CADM1: variants seen among roughly 807,000 people sequenced by gnomAD.
CADM1 encodes TSLC-1.
A neutral mutation model predicts 53.1 loss-of-function variants in CADM1; 15 were observed. That is an observed-to-expected ratio of 0.28 (90% CI 0.19 to 0.44). The LOEUF is 0.44. Among genes scored for constraint, CADM1 ranks in the 20% least tolerant of loss-of-function variants. CADM1 has a pLI of 1.00. For synonymous variants in CADM1, 281 were observed against 243.0 expected (o/e 1.16, Z -1.45); for missense variants, 434 against 611.3 (o/e 0.71, Z 3.06).
chr11:115,264,030 G>A (rs867098003), intron 1 of CADM1, among the ~76,000 whole-genome samples: 2 of 152,142 alleles, frequency 1.3e-5, no homozygotes, highest in African/African-American at 2.4e-5. Flanking sequence ...AGATGAGATC[G>A]AGAGTCAAAT....
At chr11:115,372,879 G>C (rs551590189) in intron 1 of CADM1, among the ~76,000 whole-genome samples, 3 of 152,154 alleles carry the variant, frequency 2.0e-5, no homozygotes, top group Non-Finnish European at 4.4e-5. Context: ...ACCTAAACCA[G>C]GCCTGGATCT....
At chr11:115,220,253 T>A (rs1035596735) in intron 5 of CADM1, among the ~76,000 whole-genome samples, 5 of 152,122 alleles carry the variant, frequency 3.3e-5, no homozygotes, top group African/African-American at 1.2e-4. Context: ...TCAACTTCCA[T>A]CAATAATAAA....
intron 1 of CADM1, among the ~76,000 whole-genome samples, chr11:115,500,580 C>T (rs1029881891): frequency 3.3e-5 from 5 of 152,208 alleles, no homozygotes; most frequent in African/African-American, 1.2e-4. Flanking sequence ...CTGGTTTTCA[C>T]AGCATTTCTT....
chr11:115,466,526 A>G (rs982160973), intron 1 of CADM1, among the ~76,000 whole-genome samples: 3 of 152,232 alleles, frequency 2.0e-5, no homozygotes, highest in African/African-American at 7.2e-5. Context: ...TTTTCAGGAA[A>G]GAGAAAACAT....
chr11:115,181,773 G>A (rs997735732), intron 10 of CADM1, among the ~76,000 whole-genome samples: 2 of 152,146 alleles, frequency 1.3e-5, no homozygotes, highest in African/African-American at 2.4e-5. Context: ...GGGGAGGGTG[G>A]GGGAGTGTTT....
intron 1 of CADM1, among the ~76,000 whole-genome samples, chr11:115,402,502 G>A (rs374943799): frequency 5.9e-5 from 9 of 152,238 alleles, no homozygotes; most frequent in East Asian, 3.9e-4. Flanking sequence ...CAGCCTGGGC[G>A]ATAGAGTGAG....
intron 1 of CADM1, among the ~76,000 whole-genome samples, chr11:115,463,926 G>T (rs1214376045): frequency 2.6e-5 from 4 of 151,970 alleles, no homozygotes; most frequent in African/African-American, 7.3e-5. Context: ...CCAGCTGCCA[G>T]GTGCAAATTA....
At chr11:115,239,439 G>T (rs558393747) in intron 2 of CADM1, among the ~76,000 whole-genome samples, 1 of 152,290 alleles carries the variant, frequency 6.6e-6, no homozygotes, top group South Asian at 2.1e-4. Flanking sequence ...ACTGATACAT[G>T]TGGGCCTCTT....
intron 1 of CADM1, among the ~76,000 whole-genome samples, chr11:115,495,228 T>C (rs1166893003): frequency 6.6e-6 from 1 of 152,196 alleles, no homozygotes; most frequent in Non-Finnish European, 1.5e-5. Context: ...TCCTTTTTTA[T>C]TCAAAAGAAG....
chr11:115,308,361 G>C (rs899488064), intron 1 of CADM1, among the ~76,000 whole-genome samples: 1 of 151,754 alleles, frequency 6.6e-6, no homozygotes, highest in Non-Finnish European at 1.5e-5. Context: ...CCTCATGATT[G>C]AAGCTCAGAC....
intron 1 of CADM1, among the ~76,000 whole-genome samples, chr11:115,251,087 T>C (rs184831565): frequency 1.1e-3 from 169 of 152,330 alleles, no homozygotes; most frequent in Non-Finnish European, 1.7e-3. Flanking sequence ...CATGTTCCAA[T>C]ATGTGATACT....
intron 8 of CADM1, among the ~76,000 whole-genome samples, chr11:115,203,441 T>C (rs1940532834): frequency 6.6e-6 from 1 of 152,154 alleles, no homozygotes; most frequent in Non-Finnish European, 1.5e-5. Flanking sequence ...CTGTAAGTTG[T>C]AGCACATTTT....
intron 10 of CADM1, among the ~76,000 whole-genome samples, chr11:115,186,134 A>T (rs1402861387): frequency 6.6e-6 from 1 of 152,164 alleles, no homozygotes; most frequent in Non-Finnish European, 1.5e-5. Context: ...CATGGACCCA[A>T]TGTGATTTCT....
In CADM1 at chr11:115,173,944, T is replaced by A. The variant is rs148097690; in HGVS notation, c.*2530A>T. On this transcript the variant is annotated 3_prime_UTR_variant, in exon 12 of 12. Transcript: ENST00000331581. The stretch of plus-strand genomic sequence containing the variant: ...TCTTTCTTCACTCTAAAAAAAGTGA[T>A]CAACCTGTACAAAGTAATACTCAAC... 176 of 968,974 alleles carry A rather than the reference T, an allele frequency of 1.8e-4. 1 individual carries two copies. The African/African-American group carries it at 2.9e-3, about 16-fold the overall frequency. 60.0% of individuals were successfully genotyped at this position (968,974 alleles called of 1,614,324 possible).
chr11:115,238,382 G>T (rs12283904), intron 3 of CADM1, 118 bp downstream of exon 3: 54 of 1,099,534 alleles, frequency 4.9e-5, no homozygotes, highest in Non-Finnish European at 7.0e-5. Flanking sequence ...CAAGATGGGC[G>T]GTGATTCTTC....
At chr11:115,352,013 A>G (rs1268501370) in intron 1 of CADM1, among the ~76,000 whole-genome samples, 1 of 152,242 alleles carries the variant, frequency 6.6e-6, no homozygotes, top group African/African-American at 2.4e-5. Flanking sequence ...TATTCCCAAA[A>G]GTCATAGACT....
rs1938998986 is a variant in CADM1, at chr11:115,175,763, G to A, written c.*711C>T. 1.0e-6 allele frequency: 1 copy of A among 993,198 alleles called. No individual in the cohort carries two copies. Among genetic ancestry groups the A allele is most frequent in the East Asian group, 1.1e-4 (1 of 9,008 alleles). The allele number at this position is 993,198 out of a possible 1,614,324, so 61.5% of individuals were successfully genotyped here. Reference sequence around the variant, plus strand: ...CTTGCAGATAACCCTGTACAGTAATGTAGTTCCACAGCAAACAGAACATTT... The same window carrying A: ...CTTGCAGATAACCCTGTACAGTAATATAGTTCCACAGCAAACAGAACATTT... On this transcript the variant is annotated 3_prime_UTR_variant, in exon 12 of 12. Transcript: ENST00000331581.
intron 5 of CADM1, among the ~76,000 whole-genome samples, chr11:115,228,854 AAATT>A (rs1425307193): frequency 6.6e-6 from 1 of 152,166 alleles, no homozygotes; most frequent in African/African-American, 2.4e-5. Flanking sequence ...ATATGCAAAG[AAATT>A]AATTAAGTCA....
chr11:115,226,621 T>G (rs1260374972), intron 5 of CADM1, among the ~76,000 whole-genome samples: 1 of 152,172 alleles, frequency 6.6e-6, no homozygotes, highest in Non-Finnish European at 1.5e-5. Context: ...TGTCTCTTCT[T>G]TCCTCATGGT....
Sources: gnomAD v4.1 joint callset for allele counts (sites outside exome capture counted in the v4.1 genomes callset) on GRCh38, gnomAD v4.1.1 for gene constraint, MANE v1.5 for transcripts, NCBI Gene and HGNC (gene_info 2026-07-23, HGNC 2026-07-21) for gene names.